The following PRKCE variants were observed in gnomAD, a reference collection of about 807,000 sequenced individuals.
The protein encoded by PRKCE is protein kinase C epsilon type.
Under a neutral mutation model 85.4 loss-of-function variants are expected in PRKCE, and 16 were observed. The ratio of observed to expected loss-of-function variants is 0.19; its 90% CI spans 0.13 to 0.28. The LOEUF is 0.28. Among genes scored for constraint, PRKCE ranks in the 10% least tolerant of loss-of-function variants. The pLI is 1.00. For synonymous variants in PRKCE, 388 were observed against 371.5 expected (o/e 1.04, Z -0.51); for missense variants, 573 against 975.2 (o/e 0.59, Z 5.49).
intron 1 of PRKCE, among the ~76,000 whole-genome samples, chr2:45,816,785 C>T (rs888955761): frequency 2.6e-5 from 4 of 152,094 alleles, no homozygotes; most frequent in Admixed American, 6.5e-5. Context: ...GTTACCTCCT[C>T]GATATTCCTG....
rs559422802 is a variant in PRKCE at position 46,029,335 on chromosome 2, G to A, written c.1437+18818G>A. The stretch of plus-strand genomic sequence containing the variant: ...TTCATCATTCTACAGTGCTGTCTCA[G>A]ATAATATGTTAAATTTACATGGTGG... On this transcript the variant is annotated intron_variant, in intron 10 of 14. Transcript: ENST00000306156. Among the ~76,000 whole-genome samples, 69 of 152,268 alleles carry A rather than the reference G, an allele frequency of 4.5e-4. 1 individual carries two copies. Among genetic ancestry groups the A allele is most frequent in the Admixed American group, 1.7e-3 (26 of 15,298 alleles).
At chr2:46,070,022 T>G (rs902810684) in intron 10 of PRKCE, among the ~76,000 whole-genome samples, 1 of 152,206 alleles carries the variant, frequency 6.6e-6, no homozygotes, top group African/African-American at 2.4e-5. Context: ...GTCCTGGTGC[T>G]AGTGTTTCTT....
At chr2:45,980,121 T>C (rs1702766293) in intron 4 of PRKCE, among the ~76,000 whole-genome samples, 175 bp from the exon 5 acceptor site, 2 of 152,194 alleles carry the variant, frequency 1.3e-5, no homozygotes, top group Admixed American at 6.5e-5. Flanking sequence ...ATGGCTCTGA[T>C]AGGACAGTGT....
At chr2:45,822,350 T>C (rs1689600003) in intron 1 of PRKCE, among the ~76,000 whole-genome samples, 1 of 152,184 alleles carries the variant, frequency 6.6e-6, no homozygotes, top group South Asian at 2.1e-4. Context: ...TGCTGTGGGC[T>C]CTTGGGAGAA....
At position 45,905,420 on chromosome 2, in the gene PRKCE, G is replaced by A. The variant is rs1440560120; in HGVS notation, c.412+62357G>A. On this transcript the variant is annotated intron_variant, in intron 2 of 14. Transcript: ENST00000306156. This position sits in a 1 kb window ranked among gnomAD's most constrained non-coding sequence, Gnocchi z 4.4. ...AGCTGATTGCTAGGAGACTAGTGCTGAGAGAGCTGAAATCTATTTTGCTGA... is the reference window on the plus strand; with the variant it reads ...AGCTGATTGCTAGGAGACTAGTGCTAAGAGAGCTGAAATCTATTTTGCTGA... Among the ~76,000 whole-genome samples the A allele has an allele frequency of 6.6e-6, 1 of 152,230 alleles. No individual in the cohort carries two copies. Among genetic ancestry groups the A allele is most frequent in the Non-Finnish European group, 1.5e-5 (1 of 68,040 alleles).
intron 1 of PRKCE, among the ~76,000 whole-genome samples, chr2:45,792,947 C>T (rs547450084): frequency 2.6e-5 from 4 of 152,238 alleles, no homozygotes; most frequent in East Asian, 1.9e-4. Context: ...TACAGGCACC[C>T]GCCACCACTT....
chr2:45,689,336 G>T (rs748407551), intron 1 of PRKCE, among the ~76,000 whole-genome samples: 1 of 152,162 alleles, frequency 6.6e-6, no homozygotes, highest in Non-Finnish European at 1.5e-5. Context: ...ATCAGAAAGT[G>T]CTGTGGAAGA....
chr2:45,759,240 A>T (rs1684246528), intron 1 of PRKCE, among the ~76,000 whole-genome samples: 2 of 152,294 alleles, frequency 1.3e-5, no homozygotes, highest in African/African-American at 4.8e-5. Context: ...AATAAGTGGT[A>T]TGTGGGCTCA....
chr2:45,819,010 G>A (rs540184263), intron 1 of PRKCE, among the ~76,000 whole-genome samples: 4 of 152,290 alleles, frequency 2.6e-5, no homozygotes, highest in East Asian at 1.9e-4. Flanking sequence ...GATTTGGGGC[G>A]TGGAGCCTCC....
At chr2:45,773,169 T>C (rs1357051654) in intron 1 of PRKCE, among the ~76,000 whole-genome samples, 2 of 152,162 alleles carry the variant, frequency 1.3e-5, no homozygotes, top group African/African-American at 4.8e-5. Context: ...AGAAGATCCA[T>C]GTTGGCTCCT....
rs1688605165 is a variant in PRKCE at position 45,810,818 on chromosome 2, C to G, written c.349-32182C>G. ...CTAGGCTTGCAATTTTATAGTAGGG[C>G]ACATTCGTATTATTAACAGTATTTG... On this transcript the variant is annotated intron_variant, in intron 1 of 14. Coordinates refer to ENST00000306156, the MANE Select transcript of PRKCE (RefSeq NM_005400.3). Among the ~76,000 whole-genome samples, 3 of 152,278 alleles carry G rather than the reference C, an allele frequency of 2.0e-5. No homozygotes were observed. In the South Asian group the frequency reaches 6.2e-4, roughly 32 times the overall value.
At chr2:45,973,555 C>T (rs1195100957) in intron 2 of PRKCE, among the ~76,000 whole-genome samples, 1 of 152,198 alleles carries the variant, frequency 6.6e-6, no homozygotes, top group Non-Finnish European at 1.5e-5. Flanking sequence ...GAACTTAGAA[C>T]TCTGACTTAC....
At chr2:46,050,754 C>G (rs1003848774) in intron 10 of PRKCE, among the ~76,000 whole-genome samples, 9 of 152,202 alleles carry the variant, frequency 5.9e-5, no homozygotes, top group African/African-American at 2.2e-4. Flanking sequence ...TTTTTCCCCC[C>G]CAGCCACGTC....
intron 1 of PRKCE, among the ~76,000 whole-genome samples, chr2:45,655,111 G>A (rs1675316832): frequency 6.6e-6 from 1 of 152,184 alleles, no homozygotes; most frequent in Non-Finnish European, 1.5e-5. Flanking sequence ...TATTCCTGGA[G>A]TTCCTGTTTT....
chr2:45,976,365 G>T, intron 2 of PRKCE, 64 bp from the exon 3 acceptor site: 1 of 1,546,494 alleles, frequency 6.5e-7, no homozygotes. Context: ...TCTCCAGAGG[G>T]AGCTCATTTT....
At chr2:45,703,289 C>T (rs1484127579) in intron 1 of PRKCE, among the ~76,000 whole-genome samples, 1 of 152,014 alleles carries the variant, frequency 6.6e-6, no homozygotes, top group Admixed American at 6.6e-5. Context: ...ATTCCTAGCA[C>T]TTTGGGAGCC....
At chr2:45,654,743 T>C (rs975192593) in intron 1 of PRKCE, among the ~76,000 whole-genome samples, 1 of 152,182 alleles carries the variant, frequency 6.6e-6, no homozygotes, top group Admixed American at 6.5e-5. Flanking sequence ...TGGAGCAGGT[T>C]CAGAATGCCC....
At chr2:46,131,078 C>T (rs751454176) in intron 11 of PRKCE, among the ~76,000 whole-genome samples, 4 of 152,172 alleles carry the variant, frequency 2.6e-5, no homozygotes, top group African/African-American at 7.2e-5. Context: ...AGGATAAATC[C>T]GGCTGGTGAC....
At chr2:46,081,517 G>A (rs1669076508) in intron 10 of PRKCE, among the ~76,000 whole-genome samples, 1 of 152,176 alleles carries the variant, frequency 6.6e-6, no homozygotes, top group South Asian at 2.1e-4. Context: ...CCTCAGCTGT[G>A]CTGAATGCTA....
Sources: allele counts gnomAD v4.1 joint callset (sites outside exome capture counted in the v4.1 genomes callset), GRCh38; gene constraint gnomAD v4.1.1; non-coding constraint Gnocchi (gnomAD v3.1); transcripts MANE v1.5; gene names NCBI Gene and HGNC (gene_info 2026-07-23, HGNC 2026-07-21).